NELL1: variants seen among roughly 807,000 people sequenced by gnomAD.
NELL1 encodes the protein neural EGFL like 1, also known as protein kinase C-binding protein NELL1.
In NELL1, 76 loss-of-function variants were observed where a neutral mutation model predicts 107.4. The observed-to-expected ratio is 0.71, with a 90% CI of 0.59 to 0.86. The LOEUF (loss-of-function observed/expected upper bound fraction) is 0.86. NELL1 is among the 40% of genes least tolerant of loss of function. The pLI is 0.00. For missense variants in NELL1, 1,024 were observed against 1,005.5 expected (o/e 1.02, Z -0.25); for synonymous variants, 353 against 341.2 (o/e 1.03, Z -0.38).
intron 15 of NELL1, among the ~76,000 whole-genome samples, chr11:21,466,798 C>T (rs1854043773): frequency 6.6e-6 from 1 of 151,668 alleles, no homozygotes; most frequent in Admixed American, 6.6e-5. Flanking sequence ...AGTGGGGGTA[C>T]AATTGTCATT....
chr11:20,957,082 A>G (rs1590461450), intron 11 of NELL1, among the ~76,000 whole-genome samples: 1 of 152,178 alleles, frequency 6.6e-6, no homozygotes, highest in South Asian at 2.1e-4. Flanking sequence ...CCTGAGTGCA[A>G]TTTCGAGTCT....
intron 13 of NELL1, among the ~76,000 whole-genome samples, chr11:21,211,591 G>A (rs554162622): frequency 3.9e-5 from 6 of 152,254 alleles, no homozygotes; most frequent in East Asian, 1.9e-4. Flanking sequence ...TGGGCAATGG[G>A]GAATGTGAGG....
intron 13 of NELL1, among the ~76,000 whole-genome samples, chr11:21,143,337 A>C (rs1855909083): frequency 6.6e-6 from 1 of 152,202 alleles, no homozygotes; most frequent in African/African-American, 2.4e-5. Context: ...TGAAATTGAG[A>C]GAATCAAGGT....
chr11:20,775,361 A>G (rs1405712128), intron 2 of NELL1, among the ~76,000 whole-genome samples: 1 of 152,208 alleles, frequency 6.6e-6, no homozygotes, highest in Admixed American at 6.5e-5. Flanking sequence ...ATATCATTAT[A>G]TTACAATATA....
intron 15 of NELL1, among the ~76,000 whole-genome samples, chr11:21,395,570 A>C (rs1242674444): frequency 1.3e-5 from 2 of 151,522 alleles, no homozygotes; most frequent in African/African-American, 4.8e-5. Context: ...TCCAAGGCTC[A>C]CTTCACCCAC....
At chr11:20,889,944 C>T (rs7107358) in intron 5 of NELL1, among the ~76,000 whole-genome samples, 2,003 of 152,206 alleles carry the variant, frequency 0.013, 45 homozygotes, top group African/African-American at 0.046. Context: ...CTGAAGAATC[C>T]GGGCAGTCTA....
chr11:20,874,191 C>T (rs1036231959), intron 4 of NELL1, among the ~76,000 whole-genome samples: 2 of 152,216 alleles, frequency 1.3e-5, no homozygotes, highest in African/African-American at 4.8e-5. Flanking sequence ...CCTCAGACTC[C>T]CGAGTAGCTG....
chr11:21,232,925 T>G (rs1284109641), intron 14 of NELL1, among the ~76,000 whole-genome samples: 1 of 152,230 alleles, frequency 6.6e-6, no homozygotes, highest in Non-Finnish European at 1.5e-5. Flanking sequence ...ACGGCTGGGA[T>G]TCCAGGCATG....
At chr11:20,837,237 G>T (rs1009188746) in intron 3 of NELL1, among the ~76,000 whole-genome samples, 9 of 152,100 alleles carry the variant, frequency 5.9e-5, no homozygotes, top group Non-Finnish European at 1.0e-4. Flanking sequence ...AATTAATTAA[G>T]TAAATTGATG....
intron 15 of NELL1, among the ~76,000 whole-genome samples, chr11:21,523,636 C>G (rs78519575): frequency 0.012 from 1,805 of 152,236 alleles, 36 homozygotes; most frequent in East Asian, 0.07. Flanking sequence ...CTCTGTTCAG[C>G]TATCTCCTCT....
At chr11:21,429,448 A>C (rs1455380553) in intron 15 of NELL1, among the ~76,000 whole-genome samples, 1 of 152,152 alleles carries the variant, frequency 6.6e-6, no homozygotes, top group African/African-American at 2.4e-5. Flanking sequence ...TCTGTGTATG[A>C]ATTTGGAAGA....
intron 14 of NELL1, among the ~76,000 whole-genome samples, chr11:21,355,223 T>C (rs1850904859): frequency 6.6e-6 from 1 of 152,200 alleles, no homozygotes; most frequent in African/African-American, 2.4e-5. Flanking sequence ...CAACAAGCTC[T>C]CAAAGTCTGA....
intron 12 of NELL1, among the ~76,000 whole-genome samples, chr11:21,086,917 C>G (rs1854405803): frequency 6.6e-6 from 1 of 151,128 alleles, no homozygotes; most frequent in Non-Finnish European, 1.5e-5. Flanking sequence ...CTGCAACCTC[C>G]CCCTCCCCAG....
intron 14 of NELL1, among the ~76,000 whole-genome samples, chr11:21,334,183 A>G (rs988924705): frequency 6.6e-6 from 1 of 152,038 alleles, no homozygotes; most frequent in African/African-American, 2.4e-5. Context: ...ACATTAGAGC[A>G]TAAAAAGAAC....
At chr11:21,277,843 G>A (rs1026631100) in intron 14 of NELL1, among the ~76,000 whole-genome samples, 1 of 152,144 alleles carries the variant, frequency 6.6e-6, no homozygotes, top group Non-Finnish European at 1.5e-5. Flanking sequence ...GGTGGGAATT[G>A]AACAATGAGA....
chr11:20,744,463 A>G (rs1855959329), intron 2 of NELL1, among the ~76,000 whole-genome samples: 1 of 152,186 alleles, frequency 6.6e-6, no homozygotes, highest in Non-Finnish European at 1.5e-5. Context: ...GTAAGCATTT[A>G]TTCTCTCTTT....
chr11:21,160,947 G>A (rs545656255), intron 13 of NELL1, among the ~76,000 whole-genome samples: 2 of 150,484 alleles, frequency 1.3e-5, no homozygotes, highest in African/African-American at 4.9e-5. Flanking sequence ...AACATGTAGA[G>A]TTCTTATGGA....
rs1050246020 is a variant in NELL1 at position 21,181,337 on chromosome 11, C to T, written c.1427-47995C>T. On this transcript the variant is annotated intron_variant, in intron 13 of 19. Transcript: ENST00000357134. ...AAAATCGCTATTACTTTTGCACCAA[C>T]CTATAATACAAAGTGATACTAGGCA... 9.2e-5 allele frequency among the ~76,000 whole-genome samples: 14 copies of T among 151,726 alleles called. 1 individual carries two copies. The highest frequency in any genetic ancestry group is 1.9e-4 in the African/African-American group (8 of 41,078).
chr11:21,516,272 G>C (rs1564935181), intron 15 of NELL1, among the ~76,000 whole-genome samples: 1 of 152,084 alleles, frequency 6.6e-6, no homozygotes, highest in East Asian at 1.9e-4. Context: ...TAGTATCTGA[G>C]TACTTAATAG....
Sources: gnomAD v4.1 joint callset for allele counts (sites outside exome capture counted in the v4.1 genomes callset) on GRCh38, gnomAD v4.1.1 for gene constraint, MANE v1.5 for transcripts, NCBI Gene and HGNC (gene_info 2026-07-23, HGNC 2026-07-21) for gene names.